The following PRORP variants were observed in gnomAD, a reference collection of about 807,000 sequenced individuals.
The protein encoded by PRORP is mitochondrial ribonuclease P catalytic subunit.
Under a neutral mutation model 59.4 loss-of-function variants are expected in PRORP, and 51 were observed. The observed-to-expected ratio is 0.86, with a 90% CI of 0.69 to 1.08. The LOEUF is 1.08. Ranked by LOEUF, PRORP falls within the 50% of genes least tolerant of loss-of-function variation. PRORP has a pLI of 0.00. For synonymous variants in PRORP, 231 were observed against 245.6 expected (o/e 0.94, Z 0.55); for missense variants, 646 against 690.3 (o/e 0.94, Z 0.72).
intron 4 of PRORP, among the ~76,000 whole-genome samples, chr14:35,132,597 C>A (rs991022987): frequency 2.0e-5 from 3 of 151,890 alleles, no homozygotes; most frequent in Non-Finnish European, 2.9e-5. Context: ...CCAGCCTGGC[C>A]AACATGGTGA....
In PRORP at chr14:35,158,511, A is replaced by G. The variant is rs568041902; in HGVS notation, c.1168-22159A>G. 2.1e-5 allele frequency: 5 copies of G among 239,590 alleles called. No individual in the cohort carries two copies. The East Asian group carries it at 6.4e-4, about 31-fold the overall frequency. The allele number at this position is 239,590 out of a possible 1,614,324, so 14.8% of individuals were successfully genotyped here. A position where few individuals can be genotyped will look rare whatever the true frequency, so the allele number is the denominator to read the frequency against. ...CTTCTTCACCTGTTTCTGGAAATTT[A>G]TATATTTTAAGTTCTTAGATTTCTT... On this transcript the variant is annotated intron_variant, in intron 4 of 7. Transcript: ENST00000534898.
intron 4 of PRORP, among the ~76,000 whole-genome samples, chr14:35,127,976 A>T (rs1310166926): frequency 3.3e-5 from 5 of 152,188 alleles, no homozygotes; most frequent in Non-Finnish European, 7.3e-5. Context: ...AACTAAAAAG[A>T]TGCTTATTCT....
intron 4 of PRORP, among the ~76,000 whole-genome samples, chr14:35,132,701 C>T (rs1308034303): frequency 1.3e-5 from 2 of 148,764 alleles, no homozygotes; most frequent in Non-Finnish European, 3.0e-5. Context: ...GCAGGGGAAT[C>T]ATTTGAACCC....
At chr14:35,132,593 T>C (rs1437754318) in intron 4 of PRORP, among the ~76,000 whole-genome samples, 2 of 152,078 alleles carry the variant, frequency 1.3e-5, no homozygotes, top group African/African-American at 2.4e-5. Flanking sequence ...AAGACCAGCC[T>C]GGCCAACATG....
At chr14:35,239,838 G>A (rs1292785231) in intron 5 of PRORP, among the ~76,000 whole-genome samples, 1 of 152,198 alleles carries the variant, frequency 6.6e-6, no homozygotes, top group Non-Finnish European at 1.5e-5. Flanking sequence ...ACTTTGGGAG[G>A]CAGAGGCGGG....
chr14:35,123,802 T>A lies in PRORP; in HGVS notation c.557T>A (p.Val186Asp), dbSNP rs1391330608. 5.6e-6 allele frequency: 9 copies of A among 1,614,214 alleles called. No individual in the cohort carries two copies. The highest frequency in any genetic ancestry group is 7.6e-6 in the Non-Finnish European group (9 of 1,180,010). Residue 186 changes from valine to aspartate, a missense_variant, in exon 2 of 8, where the codon GTC (valine) becomes GAC (aspartate). Val to Asp is a radical substitution (Grantham distance 152). Coordinates refer to ENST00000534898, the MANE Select transcript of PRORP (RefSeq NM_014672.4). ...CTGGTCAAGTATTTGTATCTCTGTG[T>A]CTTTCATATGCAGACATCTGAAGTT... ...DLLVKYLYLC[V>D]FHMQTSEVID...
chr14:35,251,406 C>T (rs2138588330), intron 5 of PRORP, among the ~76,000 whole-genome samples: 1 of 152,288 alleles, frequency 6.6e-6, no homozygotes, highest in Non-Finnish European at 1.5e-5. Context: ...TCCCTAATTT[C>T]TCTTTCCTTT....
intron 4 of PRORP, among the ~76,000 whole-genome samples, chr14:35,169,388 A>G (rs889174771): frequency 1.3e-5 from 2 of 152,128 alleles, no homozygotes; most frequent in African/African-American, 4.8e-5. Flanking sequence ...ATTGAAACTT[A>G]TTTTATGGTT....
At chr14:35,144,521 A>G (rs2047559513) in intron 4 of PRORP, 1 of 145,832 alleles carries the variant, frequency 6.9e-6, no homozygotes, top group African/African-American at 2.4e-5. Context: ...TTTTATATCT[A>G]TTTCTATATT....
intron 4 of PRORP, chr14:35,158,719 T>A: frequency 2.5e-6 from 1 of 392,492 alleles, no homozygotes; most frequent in South Asian, 2.4e-5. Flanking sequence ...TACTATTATC[T>A]ACTGCATCTC....
chr14:35,190,214 C>A (rs2139080954), intron 5 of PRORP, among the ~76,000 whole-genome samples: 1 of 151,470 alleles, frequency 6.6e-6, no homozygotes, highest in East Asian at 2.0e-4. Flanking sequence ...GCCTGGCCAA[C>A]ATGGCGAAAC....
chr14:35,149,444 C>T (rs771695039), intron 4 of PRORP, among the ~76,000 whole-genome samples: 14 of 152,104 alleles, frequency 9.2e-5, no homozygotes, highest in African/African-American at 3.4e-4. Flanking sequence ...AACGCCTGAC[C>T]TCAAGTGATC....
intron 4 of PRORP, among the ~76,000 whole-genome samples, chr14:35,179,882 T>C (rs1397407186): frequency 6.6e-6 from 1 of 152,202 alleles, no homozygotes. Flanking sequence ...CCTTTGGTCT[T>C]TGATGATGTT....
intron 5 of PRORP, among the ~76,000 whole-genome samples, chr14:35,225,328 T>C (rs1345634654): frequency 6.6e-6 from 1 of 152,144 alleles, no homozygotes. Context: ...CCTGCTTTTC[T>C]ACCCAACACT....
chr14:35,151,153 G>A (rs10150899), intron 4 of PRORP, among the ~76,000 whole-genome samples: 1 of 151,990 alleles, frequency 6.6e-6, no homozygotes, highest in Non-Finnish European at 1.5e-5. Context: ...AGTGAGGTAC[G>A]TCCCAGAGTG....
intron 5 of PRORP, among the ~76,000 whole-genome samples, chr14:35,192,077 CA>C (rs1179405729): frequency 6.6e-6 from 1 of 152,072 alleles, no homozygotes; most frequent in Non-Finnish European, 1.5e-5. Flanking sequence ...GAATAAAATC[CA>C]AGTTCCTCAT....
At chr14:35,137,055 C>T (rs945009779) in intron 4 of PRORP, among the ~76,000 whole-genome samples, 1 of 145,748 alleles carries the variant, frequency 6.9e-6, no homozygotes, top group Non-Finnish European at 1.5e-5. Flanking sequence ...CATTGATGAC[C>T]TTGGGAAGAA....
At position 35,274,151 on chromosome 14, in the gene PRORP, A is replaced by G. The variant is rs2051265386; in HGVS notation, c.*585A>G. ...GGGGGCATTCACTCCTCTTTTTCTT[A>G]TTTTTTTTGGAAATAGAGTCTCAAC... On this transcript the variant is annotated 3_prime_UTR_variant, in exon 8 of 8. Transcript: ENST00000534898. The G allele has an allele frequency of 3.3e-5, 5 of 151,586 alleles. No homozygotes were observed. Among genetic ancestry groups the G allele is most frequent in the Admixed American group, 3.3e-4 (5 of 15,182 alleles). The allele number at this position is 151,586 out of a possible 1,614,324, so 9.4% of individuals were successfully genotyped here.
rs1323263929 is a variant in PRORP at position 35,180,546 on chromosome 14, G to GTA, written c.1168-123_1168-122insAT. On this transcript the variant is annotated intron_variant, in intron 4 of 7. Transcript: ENST00000534898. ...AGTATCTGTGTGTGTGTGTGTGTGT[G>GTA]TGTGTATTTTTAAGGGATGAATATT... is the stretch of plus-strand genomic sequence containing the variant. The GTA allele has an allele frequency of 9.8e-6, 6 of 613,570 alleles. No individual in the cohort carries two copies. In the Admixed American group the frequency reaches 1.7e-4, roughly 17 times the overall value. 38.0% of individuals were successfully genotyped at this position (613,570 alleles called of 1,614,324 possible).
Sources: allele counts gnomAD v4.1 joint callset (sites outside exome capture counted in the v4.1 genomes callset), GRCh38; gene constraint gnomAD v4.1.1; transcripts MANE v1.5; gene names NCBI Gene and HGNC (gene_info 2026-07-23, HGNC 2026-07-21).